The following KLHL32 variants were observed in gnomAD, a reference collection of about 807,000 sequenced individuals.
The protein encoded by KLHL32 is kelch like family member 32.
In KLHL32, 35 loss-of-function variants were observed where a neutral mutation model predicts 64.8. The ratio of observed to expected loss-of-function variants is 0.54; its 90% CI spans 0.41 to 0.72. The LOEUF (loss-of-function observed/expected upper bound fraction) is 0.72. Ranked by LOEUF, KLHL32 falls within the 30% of genes least tolerant of loss-of-function variation. The pLI is 0.00. For synonymous variants in KLHL32, 259 were observed against 281.0 expected (o/e 0.92, Z 0.78); for missense variants, 589 against 768.5 (o/e 0.77, Z 2.76).
intron 3 of KLHL32, among the ~76,000 whole-genome samples, chr6:97,040,322 C>A (rs987980930): frequency 8.6e-5 from 13 of 150,464 alleles, no homozygotes; most frequent in African/African-American, 3.2e-4. Context: ...TTTTTTTTTC[C>A]TTTTAAAATG....
chr6:97,079,093 T>C (rs1022737542), intron 5 of KLHL32, among the ~76,000 whole-genome samples: 1 of 152,184 alleles, frequency 6.6e-6, no homozygotes, highest in East Asian at 1.9e-4. Flanking sequence ...TTTTCTCTCA[T>C]TCAAGAAGGT....
chr6:97,106,700 C>G (rs556069003), intron 6 of KLHL32, among the ~76,000 whole-genome samples: 2 of 151,104 alleles, frequency 1.3e-5, no homozygotes, highest in Non-Finnish European at 2.9e-5. Context: ...GCTGAGATTG[C>G]GCCACTGCAC....
intron 3 of KLHL32, among the ~76,000 whole-genome samples, chr6:96,991,792 G>A (rs1050479640): frequency 1.8e-4 from 28 of 152,196 alleles, no homozygotes; most frequent in African/African-American, 2.4e-4. Flanking sequence ...AGCTGCTACC[G>A]CGGAGAGCCC....
intron 10 of KLHL32, among the ~76,000 whole-genome samples, chr6:97,133,633 C>G (rs1799673411): frequency 6.6e-6 from 1 of 152,056 alleles, no homozygotes; most frequent in Non-Finnish European, 1.5e-5. Context: ...TTCAAAATTG[C>G]TAGCATATAG....
the KLHL32 span, among the ~76,000 whole-genome samples, chr6:96,903,028 C>T: frequency 5.9e-5 from 9 of 151,770 alleles, no homozygotes; most frequent in South Asian, 1.9e-3. Flanking sequence ...AGCATGTTGC[C>T]GCCAGCTTTT....
rs182735519 is a variant in KLHL32 at position 96,976,628 on chromosome 6, C to T, written c.204+451C>T. Among the ~76,000 whole-genome samples the T allele has an allele frequency of 2.1e-3, 322 of 152,256 alleles. 3 individuals carry two copies. Among genetic ancestry groups the T allele is most frequent in the Admixed American group, 8.2e-3 (126 of 15,278 alleles). ...TTTGTTTGTTTTTGAGACAAAGTCTCGCTCTTTCACCCAGGCTGGAGTGCC... is the reference window on the plus strand; with the variant it reads ...TTTGTTTGTTTTTGAGACAAAGTCTTGCTCTTTCACCCAGGCTGGAGTGCC... On this transcript the variant is annotated intron_variant, in intron 3 of 10. Transcript: ENST00000369261.
Position 97,139,245 on chromosome 6 carries a change from C to CTCT in KLHL32, c.1829_1831dup (p.Leu610dup). 6.2e-7 allele frequency: 1 copy of CTCT among 1,614,072 alleles called. No individual in the cohort carries two copies. Among genetic ancestry groups the CTCT allele is most frequent in the Non-Finnish European group, 8.5e-7 (1 of 1,179,936 alleles). Reference sequence around the variant, plus strand: ...TATTTTACATGCCCTAACCTTCAAACTCTTCAAGTGCCTCATCACAGGATT... The same window carrying CTCT: ...TATTTTACATGCCCTAACCTTCAAACTCTTCTTCAAGTGCCTCATCACAGGATT... On this transcript the variant is annotated inframe_insertion, in exon 11 of 11. Coordinates refer to ENST00000369261, the MANE Select transcript of KLHL32 (RefSeq NM_052904.4).
chr6:97,091,527 T>C (rs968213092), intron 6 of KLHL32, among the ~76,000 whole-genome samples: 1 of 152,316 alleles, frequency 6.6e-6, no homozygotes, highest in East Asian at 1.9e-4. Flanking sequence ...GTGTCTGATG[T>C]GGGGCTTTCC....
chr6:97,064,089 G>A (rs1789331633), intron 4 of KLHL32, among the ~76,000 whole-genome samples: 1 of 152,182 alleles, frequency 6.6e-6, no homozygotes, highest in South Asian at 2.1e-4. Flanking sequence ...CTGAGACTGA[G>A]AAAGAGGAAA....
chr6:97,072,585 A>G (rs1165053421), intron 5 of KLHL32, among the ~76,000 whole-genome samples: 1 of 139,626 alleles, frequency 7.2e-6, no homozygotes, highest in African/African-American at 2.7e-5. Context: ...TTGACAATTT[A>G]CTACCCATGT....
rs372439946 is a variant in KLHL32 at position 96,938,452 on chromosome 6, C to T, written c.-66+13426C>T. On this transcript the variant is annotated intron_variant, in intron 1 of 10. Transcript: ENST00000369261. ...GGGCTCCACCTTCCGGCATGCTTCT[C>T]GTGTCCTGCAGATACCTCATCAGCA... Among the ~76,000 whole-genome samples, 228 of 152,252 alleles carry T rather than the reference C, an allele frequency of 1.5e-3. 1 individual carries two copies. Among genetic ancestry groups the T allele is most frequent in the African/African-American group, 5.0e-3 (208 of 41,538 alleles).
chr6:96,901,751 C>G, the KLHL32 span, among the ~76,000 whole-genome samples: 4 of 152,162 alleles, frequency 2.6e-5, no homozygotes, highest in African/African-American at 7.2e-5. Context: ...CGACCTCCAA[C>G]AGGCTCCAGT....
At chr6:97,089,201 G>A (rs1267057810) in intron 6 of KLHL32, among the ~76,000 whole-genome samples, 4 of 152,152 alleles carry the variant, frequency 2.6e-5, no homozygotes, top group Admixed American at 6.5e-5. Flanking sequence ...ACAGCTCTCT[G>A]AATTTTTATT....
intron 6 of KLHL32, among the ~76,000 whole-genome samples, chr6:97,087,748 A>T (rs1793645380): frequency 6.6e-6 from 1 of 152,140 alleles, no homozygotes; most frequent in African/African-American, 2.4e-5. Context: ...GTCATCTGGG[A>T]CCATCCCATA....
chr6:97,063,155 G>A (rs1488036144), intron 4 of KLHL32, among the ~76,000 whole-genome samples: 2 of 152,206 alleles, frequency 1.3e-5, no homozygotes, highest in Admixed American at 6.6e-5. Flanking sequence ...AGTGTGAGTG[G>A]ACAAAGGAGA....
intron 10 of KLHL32, among the ~76,000 whole-genome samples, chr6:97,137,430 T>A (rs909275797): frequency 1.3e-5 from 2 of 152,208 alleles, no homozygotes; most frequent in Admixed American, 1.3e-4. Flanking sequence ...ACTTGTTTGT[T>A]CTTTCTTTTA....
At chr6:97,032,135 A>T (rs899100805) in intron 3 of KLHL32, among the ~76,000 whole-genome samples, 1 of 152,248 alleles carries the variant, frequency 6.6e-6, no homozygotes, top group African/African-American at 2.4e-5. Flanking sequence ...ATAGAACCAG[A>T]TGTATCTTCC....
At chr6:97,026,803 A>G (rs926557341) in intron 3 of KLHL32, among the ~76,000 whole-genome samples, 1 of 152,206 alleles carries the variant, frequency 6.6e-6, no homozygotes, top group African/African-American at 2.4e-5. Flanking sequence ...GACTAAGATA[A>G]TAAGTGATAA....
intron 1 of KLHL32, 23 bp from the exon 2 acceptor site, chr6:96,966,973 T>C (rs1007160337): frequency 1.3e-5 from 16 of 1,263,984 alleles, no homozygotes; most frequent in Non-Finnish European, 1.7e-5. Flanking sequence ...CAATGCACCC[T>C]TTTCTCTTGT....
Sources: allele counts gnomAD v4.1 joint callset (sites outside exome capture counted in the v4.1 genomes callset), GRCh38; gene constraint gnomAD v4.1.1; transcripts MANE v1.5; gene names NCBI Gene and HGNC (gene_info 2026-07-23, HGNC 2026-07-21).